Variants in VWC2L observed in about 807,000 individuals in gnomAD.
VWC2L encodes von Willebrand factor C domain containing 2 like.
Under a neutral mutation model 21.6 loss-of-function variants are expected in VWC2L, and 10 were observed. The ratio of observed to expected loss-of-function variants is 0.46; its 90% CI spans 0.29 to 0.78. VWC2L has a LOEUF of 0.78. VWC2L is among the 30% of genes least tolerant of loss of function. The probability of loss-of-function intolerance (pLI) is 0.10; values close to 1 mark genes in which losing one functional copy is unlikely to be tolerated. For missense variants in VWC2L, 209 were observed against 277.1 expected, an observed-to-expected ratio of 0.75 and a Z score of 1.74; for synonymous variants, 96 against 94.3, an observed-to-expected ratio of 1.02 and a Z score of -0.10.
At chr2:214,527,580 C>A (rs1689362989) in intron 3 of VWC2L, among the ~76,000 whole-genome samples, 1 of 152,040 alleles carries the variant, frequency 6.6e-6, no homozygotes, top group Non-Finnish European at 1.5e-5. Context: ...AGGGCCTTTG[C>A]ACTTGTCATT....
At chr2:214,505,445 G>C (rs995204239) in intron 3 of VWC2L, among the ~76,000 whole-genome samples, 22 of 151,932 alleles carry the variant, frequency 1.4e-4, no homozygotes, top group African/African-American at 5.3e-4. Context: ...GCTGAAATCA[G>C]CTTTTGTTCC....
chr2:214,432,102 A>G (rs1186959353), intron 2 of VWC2L, among the ~76,000 whole-genome samples: 1 of 152,226 alleles, frequency 6.6e-6, no homozygotes, highest in Non-Finnish European at 1.5e-5. Context: ...CATTGACTCA[A>G]AATCATTTTC....
At chr2:214,538,553 C>G (rs1307214853) in intron 3 of VWC2L, among the ~76,000 whole-genome samples, 1 of 151,460 alleles carries the variant, frequency 6.6e-6, no homozygotes, top group Non-Finnish European at 1.5e-5. Context: ...AACATAGACG[C>G]AAATAAGAAT....
rs544897189 is a variant in VWC2L at position 214,413,801 on chromosome 2, T to G, written c.-80-313T>G. ...CTTGAGCTATTTGTAAGTTACTCCT[T>G]GGATCACATTTTGGGGCTCAGTAAA... On this transcript the variant is annotated intron_variant, in intron 1 of 3. Coordinates refer to ENST00000312504, the MANE Select transcript of VWC2L (RefSeq NM_001080500.4). Among the ~76,000 whole-genome samples, 9 of 152,328 alleles carry G rather than the reference T, an allele frequency of 5.9e-5. 1 individual carries two copies. In the East Asian group the frequency reaches 1.7e-3, roughly 29 times the overall value.
At chr2:214,554,724 A>G (rs537036372) in intron 3 of VWC2L, among the ~76,000 whole-genome samples, 1 of 152,340 alleles carries the variant, frequency 6.6e-6, no homozygotes, top group South Asian at 2.1e-4. Context: ...ACAAGCACTC[A>G]CATTAAAAGA....
intron 3 of VWC2L, among the ~76,000 whole-genome samples, chr2:214,534,584 C>T (rs1297466327): frequency 6.6e-6 from 1 of 151,974 alleles, no homozygotes; most frequent in Non-Finnish European, 1.5e-5. Flanking sequence ...TGAACTGTGC[C>T]CCCTGGAGTT....
Position 214,512,475 on chromosome 2 carries a change from A to G in VWC2L, c.521-63197A>G, listed in dbSNP as rs374813008. ...AGATATTAGACTTAATACCTGGGTGACAAAGTAATCTGTATAATAAACCCC... is the reference window on the plus strand; with the variant it reads ...AGATATTAGACTTAATACCTGGGTGGCAAAGTAATCTGTATAATAAACCCC... On this transcript the variant is annotated intron_variant, in intron 3 of 3. Transcript: ENST00000312504. 2.9e-4 allele frequency among the ~76,000 whole-genome samples: 44 copies of G among 152,250 alleles called. 1 individual carries two copies. The highest frequency in any genetic ancestry group is 9.9e-4 in the African/African-American group (41 of 41,536).
intron 3 of VWC2L, among the ~76,000 whole-genome samples, chr2:214,554,675 A>G (rs1689848226): frequency 6.6e-6 from 1 of 152,110 alleles, no homozygotes; most frequent in Non-Finnish European, 1.5e-5. Flanking sequence ...AAACAAAACA[A>G]ACAAACAAAA....
intron 3 of VWC2L, among the ~76,000 whole-genome samples, chr2:214,451,311 G>GC (rs1334223344): frequency 1.3e-5 from 2 of 149,998 alleles, no homozygotes; most frequent in East Asian, 2.0e-4. Context: ...GTCGGTGTGG[G>GC]GGGGGGGGGC....
chr2:214,474,481 A>G (rs1316295256), intron 3 of VWC2L, among the ~76,000 whole-genome samples: 1 of 152,194 alleles, frequency 6.6e-6, no homozygotes, highest in East Asian at 1.9e-4. Flanking sequence ...TTTATTACAG[A>G]AAGAAAAAAA....
At chr2:214,561,809 T>TATATATACAC (rs1489588765) in intron 3 of VWC2L, among the ~76,000 whole-genome samples, 7 of 127,226 alleles carry the variant, frequency 5.5e-5, no homozygotes, top group African/African-American at 2.5e-4. Context: ...TATATATATA[T>TATATATACAC]ACACACACAT....
At chr2:214,574,149 A>G (rs1690193783) in intron 3 of VWC2L, among the ~76,000 whole-genome samples, 1 of 152,300 alleles carries the variant, frequency 6.6e-6, no homozygotes, top group Admixed American at 6.5e-5. Context: ...CTCAAAAACA[A>G]TAACAACAAC....
intron 3 of VWC2L, among the ~76,000 whole-genome samples, chr2:214,535,123 C>T (rs1689505823): frequency 6.6e-6 from 1 of 152,058 alleles, no homozygotes; most frequent in Admixed American, 6.6e-5. Flanking sequence ...AAGCTGGAAA[C>T]ATTTTTTAGG....
chr2:214,534,063 G>A (rs1437157673), intron 3 of VWC2L: 1 of 152,438 alleles, frequency 6.6e-6, no homozygotes, highest in Non-Finnish European at 1.5e-5. Flanking sequence ...CAAGGGCCAG[G>A]CCCCAGAAAA....
At chr2:214,414,871 C>A (rs1238608667) in intron 2 of VWC2L, 2 of 376,618 alleles carry the variant, frequency 5.3e-6, no homozygotes, top group African/African-American at 2.1e-5. Context: ...TCTGTTATTA[C>A]AAAATATGTT....
intron 3 of VWC2L, among the ~76,000 whole-genome samples, chr2:214,493,351 T>C (rs138130957): frequency 1.1e-3 from 164 of 152,290 alleles, no homozygotes; most frequent in African/African-American, 3.1e-3. Flanking sequence ...CCTAAGCCCA[T>C]GCTAACAAGA....
Position 214,423,918 on chromosome 2 carries a change from A to T in VWC2L, c.390+9335A>T, listed in dbSNP as rs184100495. ...AAAATGAGGACCCATTTTTTTTTTC[A>T]CTTAGCAAACTCTCACCTCTCACTA... On this transcript the variant is annotated intron_variant, in intron 2 of 3. Coordinates refer to ENST00000312504, the MANE Select transcript of VWC2L (RefSeq NM_001080500.4). 2.3e-4 allele frequency among the ~76,000 whole-genome samples: 35 copies of T among 151,124 alleles called. No individual in the cohort carries two copies. The East Asian group carries it at 6.0e-3, about 26-fold the overall frequency.
intron 2 of VWC2L, among the ~76,000 whole-genome samples, chr2:214,423,470 C>G (rs1047863945): frequency 6.6e-6 from 1 of 152,000 alleles, no homozygotes; most frequent in Non-Finnish European, 1.5e-5. Context: ...ATTTTACTAC[C>G]TTCAGGTTTA....
At chr2:214,559,888 A>G (rs1689939618) in intron 3 of VWC2L, among the ~76,000 whole-genome samples, 1 of 152,216 alleles carries the variant, frequency 6.6e-6, no homozygotes, top group Non-Finnish European at 1.5e-5. Context: ...GGCATGAGCC[A>G]CTGAGCCCAG....
Sources: allele counts gnomAD v4.1 joint callset (sites outside exome capture counted in the v4.1 genomes callset), GRCh38; gene constraint gnomAD v4.1.1; transcripts MANE v1.5; gene names NCBI Gene and HGNC (gene_info 2026-07-23, HGNC 2026-07-21).